CRAT: variants seen among roughly 807,000 people sequenced by gnomAD.
The protein encoded by CRAT is carnitine acetylase.
In CRAT, 66 loss-of-function variants were observed where a neutral mutation model predicts 73.7. That is an observed-to-expected ratio of 0.90 (90% CI 0.73 to 1.10). The LOEUF (loss-of-function observed/expected upper bound fraction) is 1.10. Among genes scored for constraint, CRAT ranks in the 50% least tolerant of loss-of-function variants. CRAT has a pLI of 0.00. For missense variants in CRAT, 745 were observed against 846.9 expected, an observed-to-expected ratio of 0.88 and a Z score of 1.49; for synonymous variants, 321 against 343.2, an observed-to-expected ratio of 0.94 and a Z score of 0.71.
At position 129,103,422 on chromosome 9, in the gene CRAT, G is replaced by T. The variant is rs1278748578; in HGVS notation, c.411-356C>A. On this transcript the variant is annotated intron_variant, in intron 3 of 13. Transcript: ENST00000318080. This position sits in a 1 kb window ranked among gnomAD's most constrained non-coding sequence, Gnocchi z 4.6. ...CCTGAACCTCAGCCTAGAATCTGGA[G>T]GGGGTGTCATCTGCTCTGAAGCATC... 4.0e-5 allele frequency among the ~76,000 whole-genome samples: 6 copies of T among 151,412 alleles called. No homozygotes were observed. Among genetic ancestry groups the T allele is most frequent in the Admixed American group, 3.9e-4 (6 of 15,234 alleles).
chr9:129,110,604 T>C lies in CRAT; in HGVS notation c.-95A>G, dbSNP rs1848374693. 3 of 1,363,378 alleles carry C rather than the reference T, an allele frequency of 2.2e-6. No individual in the cohort carries two copies. Among genetic ancestry groups the C allele is most frequent in the East Asian group, 2.9e-5 (1 of 34,202 alleles). 84.5% of individuals were successfully genotyped at this position (1,363,378 alleles called of 1,614,324 possible). ...GCCGCGGCTGGGGTCGGTGGGTCCT[T>C]GCTAGAGCCTTCGGGCCAAGGTCGC... is the stretch of plus-strand genomic sequence containing the variant. On this transcript the variant is annotated 5_prime_UTR_variant, in exon 1 of 14. Coordinates refer to ENST00000318080, the MANE Select transcript of CRAT (RefSeq NM_000755.5). This position sits in a 1 kb window ranked among gnomAD's most constrained non-coding sequence, Gnocchi z 5.3.
chr9:129,098,447 T>C (rs1191407064), intron 9 of CRAT, 76 bp from the exon 10 acceptor site: 3 of 1,594,976 alleles, frequency 1.9e-6, no homozygotes, highest in African/African-American at 2.7e-5. Flanking sequence ...CTGGGTGTCA[T>C]GACAGAGCTG....
At chr9:129,096,657 AG>A (rs36010531) in intron 12 of CRAT, among the ~76,000 whole-genome samples, 1 of 152,242 alleles carries the variant, frequency 6.6e-6, no homozygotes, top group Non-Finnish European at 1.5e-5. Context: ...ACCTAGCGTC[AG>A]GGAGAGATAC....
intron 1 of CRAT, chr9:129,109,334 G>C: frequency 8.0e-7 from 1 of 1,242,642 alleles, no homozygotes; most frequent in Non-Finnish European, 1.1e-6. Context: ...TCAGTGGATG[G>C]GACAGCCAGA....
chr9:129,095,121 A>C lies in CRAT; in HGVS notation c.*276T>G. The C allele has an allele frequency of 2.0e-6, 1 of 505,356 alleles. No individual in the cohort carries two copies. Among genetic ancestry groups the C allele is most frequent in the South Asian group, 2.4e-5 (1 of 41,390 alleles). The allele number at this position is 505,356 out of a possible 1,614,324, so 31.3% of individuals were successfully genotyped here. On this transcript the variant is annotated 3_prime_UTR_variant, in exon 14 of 14. Transcript: ENST00000318080. ...GCTGGTTCCCTTCCCCAGAGGAGGCACCGGTGGAGGACGTGCCAGGGGCCC... is the reference window on the plus strand; with the variant it reads ...GCTGGTTCCCTTCCCCAGAGGAGGCCCCGGTGGAGGACGTGCCAGGGGCCC...
rs1848003732 is a variant in CRAT, at chr9:129,106,176, C to T, written c.291+1638G>A. On this transcript the variant is annotated intron_variant, in intron 2 of 13. Coordinates refer to ENST00000318080, the MANE Select transcript of CRAT (RefSeq NM_000755.5). This position sits in a 1 kb window ranked among gnomAD's most constrained non-coding sequence, Gnocchi z 4.0. Reference sequence around the variant, plus strand: ...AAGGGGTGAGGGGGAGGCAACTTGTCCCCAAGTTGTACAACAGGTGACTGG... The same window carrying T: ...AAGGGGTGAGGGGGAGGCAACTTGTTCCCAAGTTGTACAACAGGTGACTGG... 6.6e-6 allele frequency among the ~76,000 whole-genome samples: 1 copy of T among 152,120 alleles called. No homozygotes were observed. Among genetic ancestry groups the T allele is most frequent in the South Asian group, 2.1e-4 (1 of 4,834 alleles).
At chr9:129,097,741 G>A in intron 11 of CRAT, 1 of 462,712 alleles carries the variant, frequency 2.2e-6, no homozygotes. Flanking sequence ...AGCGAGTATT[G>A]CAACTACCAA....
intron 6 of CRAT, 151 bp downstream of exon 6, chr9:129,101,732 C>T: frequency 2.0e-6 from 2 of 990,850 alleles, no homozygotes; most frequent in Non-Finnish European, 1.5e-6. Context: ...GCAACTGGCC[C>T]CTGGCTCCCA....
At chr9:129,098,848 C>T (rs1436950010) in intron 8 of CRAT, among the ~76,000 whole-genome samples, 198 bp from the exon 9 acceptor site, 2 of 144,718 alleles carry the variant, frequency 1.4e-5, no homozygotes, top group East Asian at 4.0e-4. Context: ...GAGTCTTGCT[C>T]TGTTGCCCAG....
rs923834311 is a variant in CRAT at position 129,098,640 on chromosome 9, C to T, written c.1096G>A (p.Glu366Lys). 12 of 1,602,396 alleles carry T rather than the reference C, an allele frequency of 7.5e-6. No homozygotes were observed. The highest frequency in any genetic ancestry group is 6.8e-5 in the African/African-American group (5 of 73,724). Residue 366 changes from glutamate to lysine, a missense_variant, in exon 9 of 14, where the codon GAG becomes AAG. Coordinates refer to ENST00000318080, the MANE Select transcript of CRAT (RefSeq NM_000755.5). ...GGCACCAGGGGAGACCGCACAAGCT[C>T]GGGTTTCTTCCTGCACAGTAAACGG... ...DYVIEYTKKP[E>K]LVRSPLVPLP...
At chr9:129,100,435 G>A (rs1004051140) in intron 7 of CRAT, 76 bp downstream of exon 7, 2 of 1,491,652 alleles carry the variant, frequency 1.3e-6, no homozygotes, top group African/African-American at 2.8e-5. Context: ...CAGGGCCGGG[G>A]ACGGGCAGGA....
intron 11 of CRAT, chr9:129,097,727 A>G (rs1367940749): frequency 1.4e-5 from 6 of 436,152 alleles, no homozygotes; most frequent in Middle Eastern, 6.1e-4. Context: ...CAAGAAAAAA[A>G]AAGAGCGAGT....
chr9:129,101,372 A>G (rs533568790), intron 6 of CRAT, among the ~76,000 whole-genome samples: 12 of 152,304 alleles, frequency 7.9e-5, no homozygotes, highest in African/African-American at 2.9e-4. Flanking sequence ...GCCACGGAGG[A>G]GGAAAGCCTA....
rs369950286 is a variant in CRAT at position 129,100,534 on chromosome 9, G to A, written c.961C>T (p.Arg321Cys). ...GGGSRLNSGN[R>C]WFDKTLQFIV... ...ACCTGCAGCGTCTTGTCGAACCAGC[G>A]GTTGCCGCTGTTGAGCCTGCTGCCG... Residue 321 changes from arginine to cysteine, a missense_variant, in exon 7 of 14, where the codon CGC becomes TGC. Physicochemically the swap from Arg to Cys is radical, Grantham distance 180. Transcript: ENST00000318080. 32 of 1,613,488 alleles carry A rather than the reference G, an allele frequency of 2.0e-5. No individual in the cohort carries two copies. Among genetic ancestry groups the A allele is most frequent in the Non-Finnish European group, 2.5e-5 (29 of 1,179,926 alleles).
intron 12 of CRAT, among the ~76,000 whole-genome samples, chr9:129,096,525 TCAGAGCCTGGACACACAGGTGCTCAGAGA>T (rs1480408979): frequency 6.6e-6 from 1 of 152,204 alleles, no homozygotes; most frequent in Non-Finnish European, 1.5e-5. Flanking sequence ...TGTAGCACGG[TCAGAGCCTGGACACACAGGTGCTCAGAGA>T]CAGAGCCAGG....
chr9:129,100,407 G>A, intron 7 of CRAT, 104 bp downstream of exon 7: 4 of 1,325,532 alleles, frequency 3.0e-6, no homozygotes, highest in South Asian at 1.4e-5. Context: ...TGCTTTACAA[G>A]CTAGGAGGCT....
At position 129,101,902 on chromosome 9, in the gene CRAT, T is replaced by C. The variant is rs781163447; in HGVS notation, c.786A>G (p.Ala262=). Residue 262 remains alanine, a synonymous_variant, in exon 6 of 14, where the codon GCA becomes GCG. Coordinates refer to ENST00000318080, the MANE Select transcript of CRAT (RefSeq NM_000755.5). ...TSNHRNSWAK[A]YNTLIKDKVN... is the part of the protein sequence containing the mutation. The stretch of plus-strand genomic sequence containing the variant: ...AGGCACCTTTGATGAGGGTGTTGTA[T>C]GCCTTGGCCCAGGAGTTGCGGTGGT... The C allele has an allele frequency of 1.8e-5, 29 of 1,613,920 alleles. No homozygotes were observed. Among genetic ancestry groups the C allele is most frequent in the Non-Finnish European group, 2.4e-5 (28 of 1,179,978 alleles).
chr9:129,100,624 T>C lies in CRAT; in HGVS notation c.871A>G (p.Thr291Ala), dbSNP rs145822836. 2.8e-3 allele frequency: 4,483 copies of C among 1,614,048 alleles called. 54 individuals are homozygous for C. Among genetic ancestry groups the C allele is most frequent in the South Asian group, 0.022 (2,034 of 91,080 alleles). Reference protein sequence around the residue: ...KSIFTVCLDATMPRVSEDVYR... With the variant: ...KSIFTVCLDAAMPRVSEDVYR... ...ACGTCTTCTGAGACCCTGGGCATGGTTGCATCTAGGCACACGGTGAAGATG... is the reference window on the plus strand; with the variant it reads ...ACGTCTTCTGAGACCCTGGGCATGGCTGCATCTAGGCACACGGTGAAGATG... The change falls in exon 7 of 14, where the codon ACC becomes GCC. Residue 291 changes from threonine (T) to alanine (A), a missense_variant. By Grantham distance (58) the Thr-to-Ala change is moderately conservative. Transcript: ENST00000318080.
At position 129,101,956 on chromosome 9, in the gene CRAT, G is replaced by C; in HGVS notation, c.732C>G (p.Asn244Lys). 1.2e-6 allele frequency: 2 copies of C among 1,614,214 alleles called. No homozygotes were observed. Among genetic ancestry groups the C allele is most frequent in the Non-Finnish European group, 1.7e-6 (2 of 1,180,026 alleles). The change falls in exon 6 of 14, where the codon AAC becomes AAG. Residue 244 changes from asparagine (N) to lysine (K), a missense_variant. Asn to Lys is a moderately conservative substitution (Grantham distance 94). Coordinates refer to ENST00000318080, the MANE Select transcript of CRAT (RefSeq NM_000755.5). Reference sequence around the variant, plus strand: ...AGGTGAGGATGCCCACAGGCTCCTTGTTGGTCTGTAGGGATGAGTTCCAGA... The same window carrying C: ...AGGTGAGGATGCCCACAGGCTCCTTCTTGGTCTGTAGGGATGAGTTCCAGA... ...EKIWNSSLQT[N>K]KEPVGILTSN...
Sources: allele counts gnomAD v4.1 joint callset (sites outside exome capture counted in the v4.1 genomes callset), GRCh38; gene constraint gnomAD v4.1.1; non-coding constraint Gnocchi (gnomAD v3.1); transcripts MANE v1.5; gene names NCBI Gene and HGNC (gene_info 2026-07-23, HGNC 2026-07-21).